Variants in NRG3 observed in about 807,000 individuals in gnomAD.
NRG3 encodes the protein pro-neuregulin-3, membrane-bound isoform.
NRG3 carries 31 observed loss-of-function variants against 66.9 expected under a neutral mutation model. The observed-to-expected ratio is 0.46, with a 90% CI of 0.35 to 0.63. The LOEUF (loss-of-function observed/expected upper bound fraction) is 0.63, where lower values mean the gene tolerates loss of function less well. NRG3 is among the 20% of genes least tolerant of loss of function. The pLI is 0.00. For missense variants in NRG3, 910 were observed against 878.9 expected, an observed-to-expected ratio of 1.04 and a Z score of -0.45; for synonymous variants, 393 against 359.4, an observed-to-expected ratio of 1.09 and a Z score of -1.06.
chr10:82,516,140 T>TTGTGTG (rs112163903), intron 2 of NRG3, among the ~76,000 whole-genome samples: 1 of 150,138 alleles, frequency 6.7e-6, no homozygotes, highest in African/African-American at 2.4e-5. Context: ...GGTTGGAACA[T>TTGTGTG]TGTGTGTGTG....
chr10:82,414,788 C>A (rs2136187157), intron 2 of NRG3, among the ~76,000 whole-genome samples: 1 of 152,234 alleles, frequency 6.6e-6, no homozygotes, highest in African/African-American at 2.4e-5. Context: ...AAGGAATTGA[C>A]TCATATAATT....
intron 1 of NRG3, among the ~76,000 whole-genome samples, chr10:81,920,181 G>A (rs575516616): frequency 4.6e-5 from 7 of 152,190 alleles, no homozygotes; most frequent in Admixed American, 2.0e-4. Flanking sequence ...CAGGGAGCAC[G>A]CTGGGAAAAG....
chr10:82,543,838 A>C (rs7914789), intron 2 of NRG3, among the ~76,000 whole-genome samples: 8,914 of 152,240 alleles, frequency 0.059, 586 homozygotes, highest in East Asian at 0.16. Context: ...CTGATAAATC[A>C]TGGTAACTTC....
At chr10:82,545,626 C>T (rs1218033873) in intron 2 of NRG3, among the ~76,000 whole-genome samples, 2 of 151,894 alleles carry the variant, frequency 1.3e-5, no homozygotes, top group Non-Finnish European at 1.5e-5. Context: ...CGTGATCCGC[C>T]CGCCTCGGCC....
intron 2 of NRG3, among the ~76,000 whole-genome samples, chr10:82,362,687 G>C (rs555834275): frequency 6.6e-6 from 1 of 150,858 alleles, no homozygotes; most frequent in Non-Finnish European, 1.5e-5. Flanking sequence ...ACTATGCCCA[G>C]CCTGAAAATA....
intron 1 of NRG3, among the ~76,000 whole-genome samples, chr10:82,186,124 TA>T (rs1219574067): frequency 1.3e-5 from 2 of 152,162 alleles, no homozygotes; most frequent in African/African-American, 2.4e-5. Context: ...ATTCATTGCT[TA>T]AAAACAAGAT....
chr10:81,876,282 G>A (rs970925424), intron 1 of NRG3, 119 bp downstream of exon 1: 51 of 1,379,962 alleles, frequency 3.7e-5, no homozygotes, highest in Non-Finnish European at 4.9e-5. Context: ...CCAGGTTTGG[G>A]GCAGAGTGAG....
intron 3 of NRG3, among the ~76,000 whole-genome samples, chr10:82,804,326 T>G (rs1486641624): frequency 6.6e-6 from 1 of 152,240 alleles, no homozygotes; most frequent in Admixed American, 6.5e-5. Context: ...AAATTCATGC[T>G]AATTTTGCTG....
chr10:81,999,345 A>G (rs900663955), intron 1 of NRG3, among the ~76,000 whole-genome samples: 16 of 152,236 alleles, frequency 1.1e-4, no homozygotes, highest in Non-Finnish European at 2.4e-4. Flanking sequence ...TCCCAAAATC[A>G]TTGAAAGAAG....
intron 1 of NRG3, among the ~76,000 whole-genome samples, chr10:82,018,870 G>A (rs1392918197): frequency 6.6e-6 from 1 of 152,118 alleles, no homozygotes; most frequent in African/African-American, 2.4e-5. Context: ...ATACAATCAT[G>A]TCATCTGCAA....
chr10:82,108,206 T>G (rs7921227), intron 1 of NRG3, among the ~76,000 whole-genome samples: 1,672 of 152,330 alleles, frequency 0.011, 32 homozygotes, highest in African/African-American at 0.038. Flanking sequence ...TGATTTAGAC[T>G]CATCTATGAT....
intron 8 of NRG3, among the ~76,000 whole-genome samples, chr10:82,981,181 C>T (rs2132667441): frequency 6.6e-6 from 1 of 152,242 alleles, no homozygotes; most frequent in South Asian, 2.1e-4. Context: ...GATCTCATTA[C>T]ATGTTCAGGC....
chr10:82,809,187 A>G (rs999955297), intron 3 of NRG3, among the ~76,000 whole-genome samples: 1 of 152,118 alleles, frequency 6.6e-6, no homozygotes, highest in Non-Finnish European at 1.5e-5. Flanking sequence ...AGTACTCGCC[A>G]TTTGCCAATG....
At chr10:82,545,778 C>T (rs970006663) in intron 2 of NRG3, among the ~76,000 whole-genome samples, 2 of 139,610 alleles carry the variant, frequency 1.4e-5, no homozygotes, top group Non-Finnish European at 3.1e-5. Context: ...TATATAATAT[C>T]AACTCTTTTT....
chr10:82,181,254 T>C (rs2073398970), intron 1 of NRG3, among the ~76,000 whole-genome samples: 1 of 151,752 alleles, frequency 6.6e-6, no homozygotes, highest in Non-Finnish European at 1.5e-5. Context: ...TTTATTTTTG[T>C]TCTAACCTTC....
At chr10:82,773,875 T>C (rs1313075412) in intron 3 of NRG3, among the ~76,000 whole-genome samples, 1 of 152,214 alleles carries the variant, frequency 6.6e-6, no homozygotes, top group Non-Finnish European at 1.5e-5. Context: ...GGAGAAACTT[T>C]TCTTCTGTAC....
intron 2 of NRG3, among the ~76,000 whole-genome samples, chr10:82,639,199 G>A (rs1164622729): frequency 6.6e-6 from 1 of 152,160 alleles, no homozygotes; most frequent in East Asian, 1.9e-4. Context: ...TTTGCTCACA[G>A]TTGTGGAGGT....
chr10:82,091,295 C>G (rs1346297393), intron 1 of NRG3, among the ~76,000 whole-genome samples: 2 of 152,222 alleles, frequency 1.3e-5, no homozygotes, highest in East Asian at 3.9e-4. Flanking sequence ...ACTTTGTAAC[C>G]ATGAAAGAAT....
intron 2 of NRG3, among the ~76,000 whole-genome samples, chr10:82,362,035 C>A (rs895247975): frequency 9.2e-5 from 8 of 87,282 alleles, no homozygotes; most frequent in Non-Finnish European, 1.7e-4. Flanking sequence ...ACGATAAGAA[C>A]ACAATTACCA....
Sources: gnomAD v4.1 joint callset for allele counts (sites outside exome capture counted in the v4.1 genomes callset) on GRCh38, gnomAD v4.1.1 for gene constraint, MANE v1.5 for transcripts, NCBI Gene and HGNC (gene_info 2026-07-23, HGNC 2026-07-21) for gene names.